Variants in FSTL5 observed in about 807,000 individuals in gnomAD.
FSTL5 encodes follistatin like 5.
Under a neutral mutation model 89.1 loss-of-function variants are expected in FSTL5, and 62 were observed. The ratio of observed to expected loss-of-function variants is 0.70; its 90% CI spans 0.57 to 0.86. The LOEUF is 0.86. FSTL5 is among the 40% of genes least tolerant of loss of function. FSTL5 has a pLI of 0.00. For missense variants in FSTL5, 1,057 were observed against 1,001.6 expected, an observed-to-expected ratio of 1.06 and a Z score of -0.75; for synonymous variants, 383 against 346.2, an observed-to-expected ratio of 1.11 and a Z score of -1.18.
chr4:161,939,495 G>A (rs1220243807), intron 3 of FSTL5, among the ~76,000 whole-genome samples: 2 of 151,858 alleles, frequency 1.3e-5, no homozygotes, highest in Admixed American at 1.3e-4. Flanking sequence ...AGTGGTTTTA[G>A]TGTTTTCTTC....
intron 2 of FSTL5, among the ~76,000 whole-genome samples, chr4:162,057,387 A>G (rs906088539): frequency 3.9e-5 from 6 of 152,298 alleles, no homozygotes; most frequent in Non-Finnish European, 7.4e-5. Context: ...AAAACAAAAC[A>G]GTGTCTAAGG....
At chr4:161,977,805 A>G (rs1343682464) in intron 3 of FSTL5, among the ~76,000 whole-genome samples, 1 of 151,898 alleles carries the variant, frequency 6.6e-6, no homozygotes, top group Non-Finnish European at 1.5e-5. Flanking sequence ...ATCAGCCACA[A>G]TTCACCAAAG....
chr4:161,929,655 A>T (rs1734226513), intron 3 of FSTL5, among the ~76,000 whole-genome samples: 2 of 121,416 alleles, frequency 1.6e-5, no homozygotes, highest in South Asian at 6.3e-4. Flanking sequence ...AGATGTAGGT[A>T]GGCACGTGTG....
intron 2 of FSTL5, among the ~76,000 whole-genome samples, chr4:162,041,457 T>A (rs1394912807): frequency 5.3e-5 from 8 of 152,216 alleles, no homozygotes; most frequent in Admixed American, 5.2e-4. Context: ...AGAAATGTCA[T>A]TAGATTTATT....
chr4:161,597,983 TACTC>T (rs1207162240), intron 7 of FSTL5, among the ~76,000 whole-genome samples: 4 of 152,208 alleles, frequency 2.6e-5, no homozygotes, highest in East Asian at 1.9e-4. Flanking sequence ...AAGAGTATCT[TACTC>T]AGTTGAAAAA....
chr4:161,856,002 T>G (rs1731709086), intron 4 of FSTL5, among the ~76,000 whole-genome samples: 1 of 152,118 alleles, frequency 6.6e-6, no homozygotes, highest in Non-Finnish European at 1.5e-5. Context: ...GTTTCTTTTA[T>G]TTTTAAGGGT....
chr4:161,599,858 C>T (rs1264498257), intron 7 of FSTL5, among the ~76,000 whole-genome samples: 1 of 151,886 alleles, frequency 6.6e-6, no homozygotes, highest in African/African-American at 2.4e-5. Context: ...ATATAGGTGT[C>T]ATTGTGCACA....
At chr4:162,161,392 T>C (rs1041992166) in intron 1 of FSTL5, among the ~76,000 whole-genome samples, 2 of 151,904 alleles carry the variant, frequency 1.3e-5, no homozygotes, top group Non-Finnish European at 2.9e-5. Flanking sequence ...TTTGGGCTTA[T>C]GATGGGAATC....
At chr4:161,959,933 C>T (rs950873933) in intron 3 of FSTL5, among the ~76,000 whole-genome samples, 15 of 152,004 alleles carry the variant, frequency 9.9e-5, no homozygotes, top group South Asian at 4.1e-4. Flanking sequence ...TCTCCTATTC[C>T]TGTCAAGACA....
chr4:161,994,436 T>C (rs1578928583), intron 3 of FSTL5, among the ~76,000 whole-genome samples: 2 of 152,334 alleles, frequency 1.3e-5, no homozygotes, highest in East Asian at 3.9e-4. Context: ...GTTCTGCTGT[T>C]AGCTTCTTGA....
chr4:161,413,210 GA>G (rs1190843590), intron 15 of FSTL5, among the ~76,000 whole-genome samples: 4 of 55,472 alleles, frequency 7.2e-5, no homozygotes, highest in Non-Finnish European at 1.3e-4. Context: ...AAATCAATAG[GA>G]AAAAAATTAA....
chr4:161,601,633 A>C (rs528823686), intron 7 of FSTL5, among the ~76,000 whole-genome samples: 4 of 152,278 alleles, frequency 2.6e-5, no homozygotes, highest in South Asian at 4.1e-4. Flanking sequence ...GAGGGACAAG[A>C]GCATAAGAAA....
chr4:161,459,234 T>C lies in FSTL5; in HGVS notation c.1694A>G (p.Glu565Gly), dbSNP rs571217260. 4 of 1,608,230 alleles carry C rather than the reference T, an allele frequency of 2.5e-6. No homozygotes were observed. In the African/African-American group the frequency reaches 5.3e-5, roughly 21 times the overall value. Residue 565 changes from glutamate (E) to glycine (G), a missense_variant, in exon 14 of 16, where the codon GAG (glutamate) becomes GGG (glycine). By Grantham distance (98) the Glu-to-Gly change is moderately conservative. Coordinates refer to ENST00000306100, the MANE Select transcript of FSTL5 (RefSeq NM_020116.5). ...TACCTGTAGTGTTGGTGATGTCTTC[T>C]CCAAGGTACCCCAGCTTAGCACCCA... ...QVWVLSWGTL[E>G]KTSPTLQVIT... is the part of the protein sequence containing the mutation.
At chr4:161,395,865 A>G (rs1730977981) in intron 15 of FSTL5, among the ~76,000 whole-genome samples, 1 of 152,182 alleles carries the variant, frequency 6.6e-6, no homozygotes, top group South Asian at 2.1e-4. Context: ...AAGCTACCTC[A>G]AGAGAGAGAC....
At chr4:161,762,677 G>C (rs1740848941) in intron 5 of FSTL5, among the ~76,000 whole-genome samples, 1 of 152,068 alleles carries the variant, frequency 6.6e-6, no homozygotes, top group Non-Finnish European at 1.5e-5. Flanking sequence ...ATCTTGATTG[G>C]TCAAAAAGAC....
chr4:161,699,599 C>T (rs538809520), intron 6 of FSTL5, among the ~76,000 whole-genome samples: 1 of 152,304 alleles, frequency 6.6e-6, no homozygotes, highest in Non-Finnish European at 1.5e-5. Flanking sequence ...ATAAGACACA[C>T]ATTAATTAAC....
intron 4 of FSTL5, among the ~76,000 whole-genome samples, chr4:161,835,170 T>C (rs1730994835): frequency 6.6e-6 from 1 of 150,898 alleles, no homozygotes; most frequent in African/African-American, 2.4e-5. Context: ...CTATCTGATC[T>C]TTGACAAACC....
intron 7 of FSTL5, among the ~76,000 whole-genome samples, chr4:161,635,232 C>A (rs567958181): frequency 1.3e-5 from 2 of 151,952 alleles, no homozygotes; most frequent in African/African-American, 4.8e-5. Context: ...ATTAAAAATA[C>A]AAAAAAATTA....
intron 3 of FSTL5, among the ~76,000 whole-genome samples, chr4:161,973,629 CA>C (rs772915350): frequency 1.6e-4 from 24 of 152,050 alleles, no homozygotes; most frequent in Non-Finnish European, 3.1e-4. Context: ...TTAAAATGTT[CA>C]AAATGTAATT....
Sources: gnomAD v4.1 joint callset for allele counts (sites outside exome capture counted in the v4.1 genomes callset) on GRCh38, gnomAD v4.1.1 for gene constraint, MANE v1.5 for transcripts, NCBI Gene and HGNC (gene_info 2026-07-23, HGNC 2026-07-21) for gene names.